Variants in MAX observed in about 807,000 individuals in gnomAD.
The protein encoded by MAX is MYC associated transcriptional regulator X, also known as protein max.
Under a neutral mutation model 22.3 loss-of-function variants are expected in MAX, and 3 were observed. That is an observed-to-expected ratio of 0.13 (90% CI 0.06 to 0.35). The LOEUF (loss-of-function observed/expected upper bound fraction) is 0.35, where lower values mean the gene tolerates loss of function less well. MAX is among the 10% of genes least tolerant of loss of function. MAX has a pLI of 1.00. For missense variants in MAX, 119 were observed against 209.4 expected, an observed-to-expected ratio of 0.57 and a Z score of 2.66; for synonymous variants, 72 against 77.7, an observed-to-expected ratio of 0.93 and a Z score of 0.39.
downstream of MAX, among the ~76,000 whole-genome samples, chr14:65,073,403 C>A (rs879367880): frequency 1.4e-4 from 22 of 152,224 alleles, no homozygotes; most frequent in East Asian, 1.5e-3. Context: ...AGATTCTTTA[C>A]CTAAGAAGTT....
rs376427679 is a variant in MAX at position 65,099,248 on chromosome 14, G to A, written c.63+2298C>T. Among the ~76,000 whole-genome samples, 216 of 152,062 alleles carry A rather than the reference G, an allele frequency of 1.4e-3. 1 individual carries two copies. Among genetic ancestry groups the A allele is most frequent in the African/African-American group, 4.9e-3 (204 of 41,500 alleles). On this transcript the variant is annotated intron_variant, in intron 2 of 4. Coordinates refer to ENST00000358664, the MANE Select transcript of MAX (RefSeq NM_002382.5). The stretch of plus-strand genomic sequence containing the variant: ...ATCTGCTTTTTCTCTCCATGCTGTT[G>A]TAATTACATTGTGCAGAGTAATATT...
At position 65,014,933 on chromosome 14, in the gene MAX, A is replaced by G. The variant is rs142893547; in HGVS notation, c.172-8649T>C. ...ATCAGTGATTGAGTTAAGCTAGGAA[A>G]TCTCTTCAGAGAATGTATATCTCCT... On this transcript the variant is annotated intron_variant, in intron 3 of 3. Coordinates refer to the MAX transcript ENST00000341653. The surrounding 1 kb of genome is among the most constrained non-coding windows in gnomAD (Gnocchi z 5.1). Among the ~76,000 whole-genome samples, 3,977 of 152,182 alleles carry G rather than the reference A, an allele frequency of 0.026. 79 individuals carry two copies. Among genetic ancestry groups the G allele is most frequent in the South Asian group, 0.046 (223 of 4,822 alleles).
rs1041045230 is a variant in MAX at position 65,079,157 on chromosome 14, T to A, written c.172-1121A>T. ...GCTTGAGACAGGAATGGGTACAATG[T>A]GTTTCATCAAGACCCAAGATTCCAG... On this transcript the variant is annotated intron_variant, in intron 3 of 4. Transcript: ENST00000358664. The surrounding 1 kb of genome is among the most constrained non-coding windows in gnomAD (Gnocchi z 4.5). Among the ~76,000 whole-genome samples the A allele has an allele frequency of 2.4e-4, 37 of 152,230 alleles. No homozygotes were observed. Among genetic ancestry groups the A allele is most frequent in the African/African-American group, 8.4e-4 (35 of 41,466 alleles).
At chr14:65,101,834 T>G in intron 1 of MAX, 2 of 568,710 alleles carry the variant, frequency 3.5e-6, no homozygotes, top group Non-Finnish European at 6.2e-6. Flanking sequence ...GTCTCCTCCC[T>G]GCAGACCCAG....
intron 3 of MAX, among the ~76,000 whole-genome samples, chr14:65,059,920 G>A (rs1017544789): frequency 1.8e-4 from 26 of 145,634 alleles, no homozygotes; most frequent in African/African-American, 6.5e-4. Context: ...TGCAACCTCC[G>A]CCTCCCGGGT....
intron 2 of MAX, among the ~76,000 whole-genome samples, chr14:65,100,641 A>G (rs1284296456): frequency 6.6e-6 from 1 of 151,988 alleles, no homozygotes; most frequent in Non-Finnish European, 1.5e-5. Flanking sequence ...TTTTACCCCC[A>G]TTCTATACAT....
rs976217891 is a variant in MAX at position 65,028,688 on chromosome 14, C to G, written c.172-22404G>C. Among the ~76,000 whole-genome samples, 2 of 152,176 alleles carry G rather than the reference C, an allele frequency of 1.3e-5. No homozygotes were observed. The highest frequency in any genetic ancestry group is 4.8e-5 in the African/African-American group (2 of 41,440). On this transcript the variant is annotated intron_variant, in intron 3 of 3. Coordinates refer to the MAX transcript ENST00000341653. This position sits in a 1 kb window ranked among gnomAD's most constrained non-coding sequence, Gnocchi z 4.4. ...AAGGCCTTTAGTTCAAGATGTTCTT[C>G]TATCTCTAACTTGTCTAATCCAACC...
At chr14:65,020,171 A>G (rs1241500890) in intron 3 of MAX, among the ~76,000 whole-genome samples, 1 of 152,184 alleles carries the variant, frequency 6.6e-6, no homozygotes, top group African/African-American at 2.4e-5. Context: ...CCTCTAGTGG[A>G]CAAAATACTT....
At position 65,011,621 on chromosome 14, in the gene MAX, C is replaced by A. The variant is rs2061684918; in HGVS notation, c.172-5337G>T. ...CTTTTTGTTTCCTTCCCTAGTCACACAGGCTCTTCTGCCAGACCAAGAAAG... is the reference window on the plus strand; with the variant it reads ...CTTTTTGTTTCCTTCCCTAGTCACAAAGGCTCTTCTGCCAGACCAAGAAAG... On this transcript the variant is annotated intron_variant, in intron 3 of 3. Coordinates refer to the MAX transcript ENST00000341653. The surrounding 1 kb of genome is among the most constrained non-coding windows in gnomAD (Gnocchi z 4.0). Among the ~76,000 whole-genome samples the A allele has an allele frequency of 2.0e-5, 3 of 152,186 alleles. No homozygotes were observed. In the South Asian group the frequency reaches 6.2e-4, roughly 31 times the overall value.
rs199879394 is a variant in MAX at position 65,032,730 on chromosome 14, G to A, written c.172-26446C>T. 4.3e-4 allele frequency: 697 copies of A among 1,602,716 alleles called. 1 individual carries two copies. Among genetic ancestry groups the A allele is most frequent in the Non-Finnish European group, 7.0e-5 (82 of 1,175,134 alleles). ...AGCCAGGGTTTCTCCTGGCCTCTTGGAGAGCAGGCGGTCACGACACTACTT... is the reference window on the plus strand; with the variant it reads ...AGCCAGGGTTTCTCCTGGCCTCTTGAAGAGCAGGCGGTCACGACACTACTT... On this transcript the variant is annotated intron_variant, in intron 3 of 3. Transcript: ENST00000341653. The surrounding 1 kb of genome is among the most constrained non-coding windows in gnomAD (Gnocchi z 5.0).
At chr14:65,039,874 T>A (rs1485978008) in intron 3 of MAX, among the ~76,000 whole-genome samples, 2 of 152,150 alleles carry the variant, frequency 1.3e-5, no homozygotes, top group Non-Finnish European at 2.9e-5. Context: ...AGGAAAAATA[T>A]TACTAGTAGA....
At chr14:65,066,588 C>G (rs1327946119) in intron 3 of MAX, among the ~76,000 whole-genome samples, 1 of 152,188 alleles carries the variant, frequency 6.6e-6, no homozygotes. Context: ...GGTGTGGTGG[C>G]TCACGCCTGT....
At position 65,084,916 on chromosome 14, in the gene MAX, G is replaced by A. The variant is rs954443095; in HGVS notation, c.172-6880C>T. Reference sequence around the variant, plus strand: ...TTTTGGGGAGAAAAAAAGGAGGCAGGTTTCTTTTCACATCCACTTTAAGAT... The same window carrying A: ...TTTTGGGGAGAAAAAAAGGAGGCAGATTTCTTTTCACATCCACTTTAAGAT... On this transcript the variant is annotated intron_variant, in intron 3 of 4. Coordinates refer to ENST00000358664, the MANE Select transcript of MAX (RefSeq NM_002382.5). The surrounding 1 kb of genome is among the most constrained non-coding windows in gnomAD (Gnocchi z 4.3). 6.6e-6 allele frequency among the ~76,000 whole-genome samples: 1 copy of A among 152,010 alleles called. No homozygotes were observed. The highest frequency in any genetic ancestry group is 1.5e-5 in the Non-Finnish European group (1 of 68,000).
rs757073842 is a variant in MAX, at chr14:65,027,412, T to C, written c.172-21128A>G. The C allele has an allele frequency of 6.2e-6, 10 of 1,608,946 alleles. No individual in the cohort carries two copies. The highest frequency in any genetic ancestry group is 1.7e-5 in the Admixed American group (1 of 59,500). On this transcript the variant is annotated intron_variant, in intron 3 of 3. Transcript: ENST00000341653. The surrounding 1 kb of genome is among the most constrained non-coding windows in gnomAD (Gnocchi z 5.7). ...TGGGAATTTGGTGTTTTGACATGAA[T>C]GCTCTCTGACTTTGTTTTTGCCCTT... is the stretch of plus-strand genomic sequence containing the variant.
chr14:65,038,650 G>A (rs1318582114), intron 3 of MAX, among the ~76,000 whole-genome samples: 1 of 151,578 alleles, frequency 6.6e-6, no homozygotes, highest in African/African-American at 2.4e-5. Context: ...CCCAGGAGGC[G>A]GAGGTTGCAG....
chr14:65,065,412 G>A (rs1317182577), intron 3 of MAX, among the ~76,000 whole-genome samples: 1 of 152,162 alleles, frequency 6.6e-6, no homozygotes, highest in African/African-American at 2.4e-5. Context: ...TACACCCTGA[G>A]AAAAGCAGTC....
At chr14:65,064,606 C>G (rs2062912551) in intron 3 of MAX, among the ~76,000 whole-genome samples, 1 of 152,154 alleles carries the variant, frequency 6.6e-6, no homozygotes, top group Non-Finnish European at 1.5e-5. Flanking sequence ...GTTTCACTGG[C>G]TTTAATCAAA....
At chr14:65,034,788 T>C (rs2062153191) in intron 3 of MAX, among the ~76,000 whole-genome samples, 1 of 152,230 alleles carries the variant, frequency 6.6e-6, no homozygotes, top group Non-Finnish European at 1.5e-5. Flanking sequence ...CATCTGTGTG[T>C]CCTGGAGTTG....
At chr14:65,085,192 A>C (rs1211861414) in intron 3 of MAX, among the ~76,000 whole-genome samples, 1 of 152,208 alleles carries the variant, frequency 6.6e-6, no homozygotes, top group Non-Finnish European at 1.5e-5. Flanking sequence ...ATATTATTCA[A>C]ATTTTCACCT....
Sources: allele counts gnomAD v4.1 joint callset (sites outside exome capture counted in the v4.1 genomes callset), GRCh38; gene constraint gnomAD v4.1.1; non-coding constraint Gnocchi (gnomAD v3.1); transcripts MANE v1.5; gene names NCBI Gene and HGNC (gene_info 2026-07-23, HGNC 2026-07-21).